The following COL4A3 variants were observed in gnomAD, a reference collection of about 807,000 sequenced individuals.
COL4A3 encodes the protein collagen type IV alpha 3 chain, also known as collagen alpha-3(IV) chain.
Under a neutral mutation model 217.4 loss-of-function variants are expected in COL4A3, and 135 were observed. That is an observed-to-expected ratio of 0.62 (90% confidence interval 0.54 to 0.72). COL4A3 has a LOEUF of 0.72. Among genes scored for constraint, COL4A3 ranks in the 30% least tolerant of loss-of-function variants. The pLI, the probability that COL4A3 is intolerant of heterozygous loss-of-function variation, is 0.00. For missense variants in COL4A3, 1,868 were observed against 2,119.9 expected, an observed-to-expected ratio of 0.88 and a Z score of 2.33; for synonymous variants, 690 against 736.3, an observed-to-expected ratio of 0.94 and a Z score of 1.02.
At chr2:227,301,316 C>T (rs1389770390) in intron 43 of COL4A3, among the ~76,000 whole-genome samples, 1 of 152,158 alleles carries the variant, frequency 6.6e-6, no homozygotes, top group Non-Finnish European at 1.5e-5. Flanking sequence ...AGTGTAAATA[C>T]ATTGACAATT....
chr2:227,204,356 T>C (rs947378624), intron 1 of COL4A3, among the ~76,000 whole-genome samples: 5 of 152,174 alleles, frequency 3.3e-5, no homozygotes, highest in African/African-American at 2.4e-5. Context: ...TTTTCTTCAT[T>C]TCCTTCTATT....
At chr2:227,232,596 T>C (rs1331648543) in intron 1 of COL4A3, among the ~76,000 whole-genome samples, 2 of 152,192 alleles carry the variant, frequency 1.3e-5, no homozygotes, top group Non-Finnish European at 2.9e-5. Flanking sequence ...CTCGGTGTAG[T>C]TTTGATTTGA....
At chr2:227,293,782 G>A (rs772125326) in intron 38 of COL4A3, 13 of 471,122 alleles carry the variant, frequency 2.8e-5, no homozygotes, top group African/African-American at 1.2e-4. Context: ...TGTCGGCAGC[G>A]TTGGTTTCTT....
chr2:227,183,666 A>G (rs566545103), intron 1 of COL4A3, among the ~76,000 whole-genome samples: 1 of 152,186 alleles, frequency 6.6e-6, no homozygotes, highest in South Asian at 2.1e-4. Context: ...TGGACACCAG[A>G]AAACAGAGTG....
Position 227,282,664 on chromosome 2 carries a change from TGTAAGAAACCAGGGGCCATG to T in COL4A3, c.2656+135_2656+154del. The T allele has an allele frequency of 1.1e-6, 1 of 875,712 alleles. No individual in the cohort carries two copies. Among genetic ancestry groups the T allele is most frequent in the Middle Eastern group, 3.2e-4 (1 of 3,124 alleles). The allele number at this position is 875,712 out of a possible 1,614,324, so 54.2% of individuals were successfully genotyped here. On this transcript the variant is annotated intron_variant, in intron 32 of 51. Coordinates refer to ENST00000396578, the MANE Select transcript of COL4A3 (RefSeq NM_000091.5). This position sits in a 1 kb window ranked among gnomAD's most constrained non-coding sequence, Gnocchi z 4.4. ...TATAAGGTTTTCCTTCTAAATTATTTGTAAGAAACCAGGGGCCATGGTGCAGGGAAACGGTGGCGGCAGGA... is the reference window on the plus strand; with the variant it reads ...TATAAGGTTTTCCTTCTAAATTATTTGTGCAGGGAAACGGTGGCGGCAGGA...
intron 1 of COL4A3, among the ~76,000 whole-genome samples, chr2:227,225,956 C>T (rs1300351996): frequency 6.6e-6 from 1 of 152,138 alleles, no homozygotes; most frequent in African/African-American, 2.4e-5. Context: ...AAGTAATCCA[C>T]CCGCCTCGGC....
At chr2:227,186,533 A>G (rs1359912251) in intron 1 of COL4A3, among the ~76,000 whole-genome samples, 1 of 152,190 alleles carries the variant, frequency 6.6e-6, no homozygotes, top group Non-Finnish European at 1.5e-5. Context: ...AATTAGAGTT[A>G]CAAAGTTCAG....
chr2:227,240,595 C>T (rs979947685), intron 3 of COL4A3, among the ~76,000 whole-genome samples: 6 of 152,306 alleles, frequency 3.9e-5, no homozygotes, highest in African/African-American at 1.2e-4. Flanking sequence ...CCTTGTTCCA[C>T]GAGGTGCCTC....
intron 1 of COL4A3, among the ~76,000 whole-genome samples, chr2:227,168,614 T>A (rs1376679926): frequency 6.6e-6 from 1 of 152,220 alleles, no homozygotes; most frequent in East Asian, 1.9e-4. Context: ...CCTTAATGTA[T>A]AATACTGTTT....
rs115144153 is a variant in COL4A3, at chr2:227,282,226, C to T, written c.2489-139C>T. ...GGCGGAGGGTACAGTGAGCCGAAAT[C>T]GCCCCACTGCAATCCAGCCTAGAAG... On this transcript the variant is annotated intron_variant, in intron 31 of 51. Transcript: ENST00000396578. The surrounding 1 kb of genome is among the most constrained non-coding windows in gnomAD (Gnocchi z 4.4). The T allele has an allele frequency of 5.2e-3, 1,658 of 320,366 alleles. 22 individuals are homozygous for T. The highest frequency in any genetic ancestry group is 0.029 in the African/African-American group (1,255 of 43,596). 19.8% of individuals were successfully genotyped at this position (320,366 alleles called of 1,614,324 possible).
chr2:227,294,364 A>C, intron 38 of COL4A3, 126 bp from the exon 39 acceptor site: 1 of 786,098 alleles, frequency 1.3e-6, no homozygotes. Flanking sequence ...GTGACCTTGC[A>C]ACAAGAGAGC....
chr2:227,294,928 A>G, intron 39 of COL4A3, 36 bp from the exon 40 acceptor site: 1 of 1,443,078 alleles, frequency 6.9e-7, no homozygotes. Flanking sequence ...TGTATACCAT[A>G]GTTTGGGGTT....
chr2:227,243,526 C>T (rs532842592), intron 3 of COL4A3, among the ~76,000 whole-genome samples: 27 of 152,312 alleles, frequency 1.8e-4, no homozygotes, highest in African/African-American at 5.3e-4. Flanking sequence ...CCCGGAATTC[C>T]GCCATAGATG....
At position 227,253,844 on chromosome 2, in the gene COL4A3, A is replaced by G. The variant is rs758677102; in HGVS notation, c.765+206A>G. 5.3e-5 allele frequency among the ~76,000 whole-genome samples: 8 copies of G among 152,166 alleles called. No homozygotes were observed. Among genetic ancestry groups the G allele is most frequent in the Non-Finnish European group, 8.8e-5 (6 of 68,038 alleles). On this transcript the variant is annotated intron_variant, in intron 13 of 51. Transcript: ENST00000396578. This position sits in a 1 kb window ranked among gnomAD's most constrained non-coding sequence, Gnocchi z 4.4. ...TTACATGGGGAAGATCTGAGGCTCC[A>G]GCTTGGGCAACAGAGTGAGACTTCA...
intron 1 of COL4A3, among the ~76,000 whole-genome samples, chr2:227,211,108 C>A (rs1036299600): frequency 2.6e-5 from 4 of 152,172 alleles, no homozygotes; most frequent in Non-Finnish European, 5.9e-5. Context: ...TCAAGCGATT[C>A]TCCTGCCTCA....
At chr2:227,311,380 C>CTTTTT (rs11286889) in intron 51 of COL4A3, among the ~76,000 whole-genome samples, 7 of 141,740 alleles carry the variant, frequency 4.9e-5, no homozygotes, top group Non-Finnish European at 6.2e-5. Flanking sequence ...AATTTCTCTC[C>CTTTTT]TTTTTTTTTT....
At chr2:227,261,733 A>G (rs940206156) in intron 20 of COL4A3, among the ~76,000 whole-genome samples, 3 of 152,252 alleles carry the variant, frequency 2.0e-5, no homozygotes, top group Non-Finnish European at 4.4e-5. Context: ...GAGGAGGTAC[A>G]GAAATAGAAA....
intron 1 of COL4A3, chr2:227,222,271 T>C (rs1450792991): frequency 2.0e-5 from 3 of 152,140 alleles, no homozygotes; most frequent in African/African-American, 7.2e-5. Flanking sequence ...CTTTCAAGCT[T>C]CCTTGCACAT....
Position 227,224,803 on chromosome 2 carries a change from A to G in COL4A3, c.88-13165A>G, listed in dbSNP as rs548633519. On this transcript the variant is annotated intron_variant, in intron 1 of 51. Coordinates refer to ENST00000396578, the MANE Select transcript of COL4A3 (RefSeq NM_000091.5). ...ATTATAGTTTGAGAAAACAATTAAT[A>G]AATTATAGGACTTTAAATTTCTATT... is the stretch of plus-strand genomic sequence containing the variant. Among the ~76,000 whole-genome samples, 9 of 152,364 alleles carry G rather than the reference A, an allele frequency of 5.9e-5. No individual in the cohort carries two copies. In the South Asian group the frequency reaches 1.5e-3, roughly 25 times the overall value.
Sources: gnomAD v4.1 joint callset for allele counts (sites outside exome capture counted in the v4.1 genomes callset) on GRCh38, gnomAD v4.1.1 for gene constraint, Gnocchi (gnomAD v3.1) non-coding constraint, MANE v1.5 for transcripts, NCBI Gene and HGNC (gene_info 2026-07-23, HGNC 2026-07-21) for gene names.